KCNT2: variants seen among roughly 807,000 people sequenced by gnomAD.
KCNT2 encodes the protein potassium sodium-activated channel subfamily T member 2, also known as potassium channel subfamily T member 2.
In KCNT2, 67 loss-of-function variants were observed where a neutral mutation model predicts 153.8. That is an observed-to-expected ratio of 0.44 (90% confidence interval 0.36 to 0.53). The LOEUF (loss-of-function observed/expected upper bound fraction) is 0.53. Ranked by LOEUF, KCNT2 falls within the 20% of genes least tolerant of loss-of-function variation. The pLI, the probability that KCNT2 is intolerant of heterozygous loss-of-function variation, is 0.00. For synonymous variants in KCNT2, 500 were observed against 458.8 expected, an observed-to-expected ratio of 1.09 and a Z score of -1.15; for missense variants, 975 against 1,354.8, an observed-to-expected ratio of 0.72 and a Z score of 4.40.
intron 1 of KCNT2, among the ~76,000 whole-genome samples, chr1:196,516,383 C>T (rs566566780): frequency 1.3e-5 from 2 of 152,232 alleles, no homozygotes; most frequent in South Asian, 2.1e-4. Context: ...CTTTTTCACA[C>T]GAGTCCCTGA....
rs373547279 is a variant in KCNT2 at position 196,594,373 on chromosome 1, G to A, written c.95+13842C>T. Among the ~76,000 whole-genome samples the A allele has an allele frequency of 7.2e-5, 11 of 152,098 alleles. No individual in the cohort carries two copies. The East Asian group carries it at 1.4e-3, about 19-fold the overall frequency. On this transcript the variant is annotated intron_variant, in intron 1 of 27. Coordinates refer to ENST00000294725, the MANE Select transcript of KCNT2 (RefSeq NM_198503.5). ...TTAAAAACTATTTTGTTTCTAAGGG[G>A]GATCAGAATTTTAATTCAAATGACT...
chr1:196,414,413 TA>T lies in KCNT2; in HGVS notation c.1185+8636del, dbSNP rs1356829649. On this transcript the variant is annotated intron_variant, in intron 12 of 27. Transcript: ENST00000294725. The stretch of plus-strand genomic sequence containing the variant: ...CCTTAAGAAATCATAAGCATTTCAC[TA>T]ATTAATTTCACATTGTTATTCTTGG... Among the ~76,000 whole-genome samples the T allele has an allele frequency of 2.0e-5, 3 of 151,854 alleles. No individual in the cohort carries two copies. The South Asian group carries it at 6.2e-4, about 31-fold the overall frequency.
At chr1:196,332,475 G>C (rs1664561420) in intron 17 of KCNT2, among the ~76,000 whole-genome samples, 2 of 151,976 alleles carry the variant, frequency 1.3e-5, no homozygotes, top group Non-Finnish European at 2.9e-5. Flanking sequence ...CTTTCTTACA[G>C]TATTTTTTTA....
intron 1 of KCNT2, among the ~76,000 whole-genome samples, chr1:196,554,463 C>A (rs1658368539): frequency 6.6e-6 from 1 of 150,916 alleles, no homozygotes; most frequent in South Asian, 2.1e-4. Flanking sequence ...GAGAAGAAAT[C>A]CAAAACCTGA....
At chr1:196,368,791 C>T (rs913179527) in intron 14 of KCNT2, among the ~76,000 whole-genome samples, 9 of 152,162 alleles carry the variant, frequency 5.9e-5, no homozygotes, top group African/African-American at 2.2e-4. Context: ...TCCTCCTTCA[C>T]ATTTGTGAGC....
chr1:196,498,389 C>T (rs1332435087), intron 1 of KCNT2, among the ~76,000 whole-genome samples: 2 of 152,134 alleles, frequency 1.3e-5, no homozygotes, highest in Admixed American at 6.5e-5. Context: ...GAGGAAGGTT[C>T]TTCCTCTGTG....
chr1:196,508,250 C>T (rs909905196), intron 1 of KCNT2, among the ~76,000 whole-genome samples: 1 of 144,900 alleles, frequency 6.9e-6, no homozygotes. Context: ...GGATCTCTAT[C>T]TCACAGTATA....
chr1:196,327,719 T>C (rs1432508206), intron 18 of KCNT2, among the ~76,000 whole-genome samples: 1 of 141,604 alleles, frequency 7.1e-6, no homozygotes, highest in African/African-American at 2.8e-5. Context: ...CAGGCTGGAG[T>C]GCAGTGGTGC....
intron 8 of KCNT2, among the ~76,000 whole-genome samples, chr1:196,431,002 T>G (rs113456600): frequency 0.058 from 8,765 of 152,156 alleles, 391 homozygotes; most frequent in Non-Finnish European, 0.085. Context: ...CTCTCAAGAA[T>G]GGAATTAGCA....
intron 14 of KCNT2, among the ~76,000 whole-genome samples, chr1:196,353,851 TC>T (rs1373687420): frequency 6.6e-6 from 1 of 151,920 alleles, no homozygotes; most frequent in Non-Finnish European, 1.5e-5. Context: ...TTTAAGAGTT[TC>T]CCCACATCAG....
chr1:196,533,216 G>T (rs1655163752), intron 1 of KCNT2, among the ~76,000 whole-genome samples: 1 of 152,060 alleles, frequency 6.6e-6, no homozygotes, highest in Non-Finnish European at 1.5e-5. Context: ...GATTCTGACA[G>T]AATGACTAAG....
intron 22 of KCNT2, among the ~76,000 whole-genome samples, chr1:196,304,897 T>G (rs1162559131): frequency 1.3e-5 from 2 of 152,132 alleles, no homozygotes; most frequent in Admixed American, 1.3e-4. Flanking sequence ...TATGTCAGGT[T>G]GTATTGGTGA....
At chr1:196,460,875 T>A (rs984262643) in intron 8 of KCNT2, among the ~76,000 whole-genome samples, 1 of 151,796 alleles carries the variant, frequency 6.6e-6, no homozygotes, top group Non-Finnish European at 1.5e-5. Context: ...TCACTTTTTG[T>A]GACTTCGTCT....
At chr1:196,332,459 A>C (rs1284230417) in intron 17 of KCNT2, among the ~76,000 whole-genome samples, 1 of 152,134 alleles carries the variant, frequency 6.6e-6, no homozygotes, top group Non-Finnish European at 1.5e-5. Flanking sequence ...TTGTGGGTAC[A>C]CCAACCTTTC....
intron 12 of KCNT2, among the ~76,000 whole-genome samples, chr1:196,405,248 A>G (rs1240288820): frequency 6.6e-6 from 1 of 151,430 alleles, no homozygotes; most frequent in Admixed American, 6.6e-5. Flanking sequence ...AAAGTGCTCC[A>G]TATTTCGAAT....
At chr1:196,478,563 T>C (rs1180251846) in intron 5 of KCNT2, among the ~76,000 whole-genome samples, 2 of 152,194 alleles carry the variant, frequency 1.3e-5, no homozygotes, top group African/African-American at 2.4e-5. Context: ...GTTCAAGTAC[T>C]ACTGTTTCCT....
chr1:196,271,158 TAAAGA>T (rs1167505333), intron 25 of KCNT2, among the ~76,000 whole-genome samples: 2 of 151,922 alleles, frequency 1.3e-5, no homozygotes, highest in Admixed American at 6.6e-5. Flanking sequence ...ATGCTTTAAT[TAAAGA>T]AAAGAATACT....
chr1:196,412,737 G>GA (rs1341891788), intron 12 of KCNT2, among the ~76,000 whole-genome samples: 4 of 151,608 alleles, frequency 2.6e-5, no homozygotes, highest in African/African-American at 9.7e-5. Context: ...AAAGGAAAAA[G>GA]AAAATGTAAT....
chr1:196,313,181 A>G (rs1277083052), intron 21 of KCNT2, among the ~76,000 whole-genome samples: 2 of 151,682 alleles, frequency 1.3e-5, no homozygotes, highest in Non-Finnish European at 2.9e-5. Flanking sequence ...GTAAAAAGGT[A>G]GTAGGATCGG....
Sources: gnomAD v4.1 joint callset for allele counts (sites outside exome capture counted in the v4.1 genomes callset) on GRCh38, gnomAD v4.1.1 for gene constraint, MANE v1.5 for transcripts, NCBI Gene and HGNC (gene_info 2026-07-23, HGNC 2026-07-21) for gene names.